The following TRAM2 variants were observed in gnomAD, a reference collection of about 807,000 sequenced individuals.
TRAM2 encodes the protein translocation associated membrane protein 2, also known as translocating chain-associated membrane protein 2.
In TRAM2, 12 loss-of-function variants were observed where a neutral mutation model predicts 51.0. The ratio of observed to expected loss-of-function variants is 0.24; its 90% CI spans 0.15 to 0.38. The LOEUF is 0.38. Ranked by LOEUF, TRAM2 falls within the 10% of genes least tolerant of loss-of-function variation. The pLI, the probability that TRAM2 is intolerant of heterozygous loss-of-function variation, is 1.00. For synonymous variants in TRAM2, 175 were observed against 179.4 expected, an observed-to-expected ratio of 0.98 and a Z score of 0.20; for missense variants, 361 against 462.0, an observed-to-expected ratio of 0.78 and a Z score of 2.00.
intron 1 of TRAM2, among the ~76,000 whole-genome samples, chr6:52,575,896 CA>C (rs1346842780): frequency 1.3e-5 from 2 of 152,324 alleles, no homozygotes; most frequent in East Asian, 3.9e-4. Flanking sequence ...TTTTGAATAT[CA>C]CATTTTTCTT....
intron 1 of TRAM2, among the ~76,000 whole-genome samples, chr6:52,540,585 A>C (rs908170332): frequency 3.9e-5 from 6 of 152,102 alleles, no homozygotes; most frequent in Non-Finnish European, 8.8e-5. Context: ...CTGTGCCTTA[A>C]AAGGTCCTTT....
rs961693272 is a variant in TRAM2 at position 52,569,458 on chromosome 6, A to G, written c.120+7338T>C. Among the ~76,000 whole-genome samples, 99 of 151,946 alleles carry G rather than the reference A, an allele frequency of 6.5e-4. 1 individual carries two copies. Among genetic ancestry groups the G allele is most frequent in the African/African-American group, 2.3e-3 (94 of 41,468 alleles). On this transcript the variant is annotated intron_variant, in intron 1 of 10. Transcript: ENST00000182527. ...ACCAAATCTATGGCATTTTTGTCAT[A>G]GCAGCCCAAACAGACTGCCTTTATG... is the stretch of plus-strand genomic sequence containing the variant.
At position 52,563,851 on chromosome 6, in the gene TRAM2, ATT is replaced by A. The variant is rs11405487; in HGVS notation, c.120+12943_120+12944del. On this transcript the variant is annotated intron_variant, in intron 1 of 10. Transcript: ENST00000182527. ...TAATGGTACCTAATCAAAAACACTT[ATT>A]TTTTTTTTTTTTGCCACATGAATGT... Among the ~76,000 whole-genome samples, 101 of 137,080 alleles carry A rather than the reference ATT, an allele frequency of 7.4e-4. 1 individual carries two copies. The highest frequency in any genetic ancestry group is 3.9e-3 in the Middle Eastern group (1 of 256). 89.9% of individuals were successfully genotyped at this position (137,080 alleles called of 152,430 possible).
chr6:52,536,213 A>G (rs1477996288), intron 1 of TRAM2, among the ~76,000 whole-genome samples: 1 of 152,248 alleles, frequency 6.6e-6, no homozygotes, highest in African/African-American at 2.4e-5. Flanking sequence ...ACTAATAAAT[A>G]AAGTCACAAC....
chr6:52,566,614 C>T (rs1767594453), intron 1 of TRAM2, among the ~76,000 whole-genome samples: 1 of 152,156 alleles, frequency 6.6e-6, no homozygotes, highest in Non-Finnish European at 1.5e-5. Context: ...ACCTAAGGGG[C>T]CCTGGGTGAT....
rs1554266167 is a variant in TRAM2 at position 52,554,536 on chromosome 6, A to AG, written c.121-18691_121-18690insC. Among the ~76,000 whole-genome samples the AG allele has an allele frequency of 3.9e-3, 583 of 150,620 alleles. 6 individuals carry two copies. The highest frequency in any genetic ancestry group is 0.014 in the African/African-American group (564 of 41,076). ...CCCCATCTCAAAAAAAAAAAAAAAA[A>AG]AAGAAAGAAAGAAAACCAAAGTGAA... On this transcript the variant is annotated intron_variant, in intron 1 of 10. Coordinates refer to ENST00000182527, the MANE Select transcript of TRAM2 (RefSeq NM_012288.4).
At chr6:52,555,481 C>A (rs887499521) in intron 1 of TRAM2, among the ~76,000 whole-genome samples, 1 of 152,126 alleles carries the variant, frequency 6.6e-6, no homozygotes, top group South Asian at 2.1e-4. Context: ...TGAAATCCTA[C>A]GACAGAGAAA....
chr6:52,501,850 A>G lies in TRAM2; in HGVS notation c.*1347T>C, dbSNP rs1766234000. The G allele has an allele frequency of 6.6e-6, 1 of 152,144 alleles. No homozygotes were observed. The highest frequency in any genetic ancestry group is 1.5e-5 in the Non-Finnish European group (1 of 68,032). 9.4% of individuals were successfully genotyped at this position (152,144 alleles called of 1,614,324 possible). ...TAAGCTACTGCGTCCGGCCGTAATT[A>G]GGACCGGCTTTTTAAAGCTGAACGC... On this transcript the variant is annotated 3_prime_UTR_variant, in exon 11 of 11. Coordinates refer to ENST00000182527, the MANE Select transcript of TRAM2 (RefSeq NM_012288.4).
chr6:52,534,266 A>C (rs1336705315), intron 2 of TRAM2, among the ~76,000 whole-genome samples: 1 of 151,848 alleles, frequency 6.6e-6, no homozygotes, highest in Non-Finnish European at 1.5e-5. Context: ...CTGTAACCCC[A>C]GCTACTTGGG....
chr6:52,553,441 G>A (rs1464941523), intron 1 of TRAM2, among the ~76,000 whole-genome samples: 1 of 152,242 alleles, frequency 6.6e-6, no homozygotes, highest in Non-Finnish European at 1.5e-5. Context: ...TGTAGTAGCC[G>A]CTTTCTTTGA....
intron 1 of TRAM2, among the ~76,000 whole-genome samples, chr6:52,556,206 C>T (rs985729379): frequency 2.0e-5 from 3 of 151,488 alleles, no homozygotes; most frequent in East Asian, 1.9e-4. Flanking sequence ...GGCTCAGGCA[C>T]GCAGGGAGAA....
At chr6:52,512,863 A>T (rs1427695826) in intron 4 of TRAM2, among the ~76,000 whole-genome samples, 2 of 152,220 alleles carry the variant, frequency 1.3e-5, no homozygotes, top group African/African-American at 2.4e-5. Context: ...GCCCTAAAGC[A>T]ACTAGTCTGT....
At chr6:52,558,310 C>T (rs1767443834) in intron 1 of TRAM2, among the ~76,000 whole-genome samples, 1 of 152,112 alleles carries the variant, frequency 6.6e-6, no homozygotes, top group Admixed American at 6.5e-5. Context: ...CAAAAGCCCC[C>T]CACGTCCAGT....
chr6:52,507,436 C>T, intron 7 of TRAM2, 117 bp downstream of exon 7: 1 of 1,002,014 alleles, frequency 1.0e-6, no homozygotes, highest in East Asian at 2.5e-5. Context: ...CAAGTCTTAG[C>T]ATAGTGCTAG....
chr6:52,516,504 C>A lies in TRAM2; in HGVS notation c.294+124G>T, dbSNP rs73447916. 1,889 of 798,378 alleles carry A rather than the reference C, an allele frequency of 2.4e-3. 22 individuals carry two copies. In the African/African-American group the frequency reaches 0.026, roughly 11 times the overall value. 49.5% of individuals were successfully genotyped at this position (798,378 alleles called of 1,614,324 possible). On this transcript the variant is annotated intron_variant, in intron 3 of 10. Coordinates refer to ENST00000182527, the MANE Select transcript of TRAM2 (RefSeq NM_012288.4). Reference sequence around the variant, plus strand: ...TGGTGAAGGAAGCCCAGGCAATAGACCCAACCAGTGCAAGCAAGTTGGAGG... The same window carrying A: ...TGGTGAAGGAAGCCCAGGCAATAGAACCAACCAGTGCAAGCAAGTTGGAGG...
intron 1 of TRAM2, among the ~76,000 whole-genome samples, chr6:52,549,226 T>TTCCTTCCCTTCCTTCCC (rs1387639202): frequency 6.6e-6 from 1 of 150,758 alleles, no homozygotes; most frequent in Non-Finnish European, 1.5e-5. Flanking sequence ...CCTTAAAGCT[T>TTCCTTCCCTTCCTTCCC]TCCTTCCCTT....
At chr6:52,565,128 G>A (rs994378859) in intron 1 of TRAM2, among the ~76,000 whole-genome samples, 2 of 152,172 alleles carry the variant, frequency 1.3e-5, no homozygotes, top group Non-Finnish European at 2.9e-5. Context: ...TAATTGCTCA[G>A]CCTTTAGGCG....
rs773149078 is a variant in TRAM2, at chr6:52,516,618, T to C, written c.294+10A>G. Reference sequence around the variant, plus strand: ...AGCTTCTGATCTCAGAATCCAGACATGTCACTTACATCTAAAATGTACTCC... The same window carrying C: ...AGCTTCTGATCTCAGAATCCAGACACGTCACTTACATCTAAAATGTACTCC... On this transcript the variant is annotated intron_variant, in intron 3 of 10. Transcript: ENST00000182527. 194 of 1,608,744 alleles carry C rather than the reference T, an allele frequency of 1.2e-4. No homozygotes were observed. The highest frequency in any genetic ancestry group is 1.6e-4 in the Non-Finnish European group (183 of 1,175,276).
At chr6:52,570,963 G>A (rs1767670518) in intron 1 of TRAM2, among the ~76,000 whole-genome samples, 1 of 152,142 alleles carries the variant, frequency 6.6e-6, no homozygotes. Flanking sequence ...GGACATCTGA[G>A]ACAGTAGAGG....
Sources: gnomAD v4.1 joint callset for allele counts (sites outside exome capture counted in the v4.1 genomes callset) on GRCh38, gnomAD v4.1.1 for gene constraint, MANE v1.5 for transcripts, NCBI Gene and HGNC (gene_info 2026-07-23, HGNC 2026-07-21) for gene names.